The following XK variants were observed in gnomAD, a reference collection of about 807,000 sequenced individuals.
The protein encoded by XK is endoplasmic reticulum membrane adapter protein XK.
A neutral mutation model predicts 14.0 loss-of-function variants in XK; 2 were observed. The ratio of observed to expected loss-of-function variants is 0.14; its 90% CI spans 0.06 to 0.45. XK has a LOEUF of 0.45. Among genes scored for constraint, XK ranks in the 20% least tolerant of loss-of-function variants. The probability of loss-of-function intolerance (pLI) is 0.98; values close to 1 mark genes in which losing one functional copy is unlikely to be tolerated. For missense variants in XK, 235 were observed against 341.5 expected (o/e 0.69, Z 2.46); for synonymous variants, 149 against 147.5 (o/e 1.01, Z -0.08).
intron 2 of XK, among the ~76,000 whole-genome samples, chrX:37,712,481 G>A (rs1927684392): frequency 8.9e-6 from 1 of 112,164 alleles, no homozygotes; most frequent in Admixed American, 9.4e-5. Flanking sequence ...TTTTTTGCAT[G>A]TGTGTACTCA....
chrX:37,686,424 G>A (rs1180395869), intron 1 of XK, among the ~76,000 whole-genome samples: 1 of 112,229 alleles, frequency 8.9e-6, no homozygotes, highest in Non-Finnish European at 1.9e-5. Flanking sequence ...ATTCCTGTTA[G>A]GTTCCGTCAA....
chrX:37,710,665 A>T (rs1303694299), intron 2 of XK, among the ~76,000 whole-genome samples: 1 of 111,782 alleles, frequency 8.9e-6, no homozygotes, highest in Admixed American at 9.5e-5. Context: ...TAAATTAAAT[A>T]AAAGAGAACC....
rs1223816991 is a variant in XK at position 37,685,874 on chromosome X, G to A, written c.-88G>A. 4.7e-6 allele frequency: 5 copies of A among 1,064,600 alleles called. No individual in the cohort carries two copies. The East Asian group carries it at 1.7e-4, about 35-fold the overall frequency. The allele number at this position is 1,064,600 out of a possible 1,213,427, so 87.7% of individuals were successfully genotyped here. A position where few individuals can be genotyped will look rare whatever the true frequency, so the allele number is the denominator to read the frequency against. On this transcript the variant is annotated 5_prime_UTR_variant, in exon 1 of 3. Transcript: ENST00000378616. ...AGCGGTTTGGGGCTGGGCATGCTGGGAGCCCCTCGGGCAACGGCCGCCGCC... is the reference window on the plus strand; with the variant it reads ...AGCGGTTTGGGGCTGGGCATGCTGGAAGCCCCTCGGGCAACGGCCGCCGCC...
chrX:37,697,311 T>G (rs1987692587), intron 2 of XK, among the ~76,000 whole-genome samples: 1 of 112,354 alleles, frequency 8.9e-6, no homozygotes, highest in South Asian at 3.7e-4. Context: ...TTGAGAACAT[T>G]GGATTAGACT....
chrX:37,703,443 G>A (rs1274310980), intron 2 of XK, among the ~76,000 whole-genome samples: 1 of 112,089 alleles, frequency 8.9e-6, no homozygotes, highest in Non-Finnish European at 1.9e-5. Context: ...ACTGGGTTCT[G>A]GTCTCCTACA....
In XK at chrX:37,694,552, C is replaced by T. The variant is rs781915147; in HGVS notation, c.508+4C>T. 1.6e-4 allele frequency: 187 copies of T among 1,186,020 alleles called. 1 individual carries two copies. The highest frequency in any genetic ancestry group is 2.0e-4 in the Non-Finnish European group (175 of 881,711). On this transcript the variant is annotated splice_donor_region_variant and intron_variant, in intron 2 of 2. Coordinates refer to ENST00000378616, the MANE Select transcript of XK (RefSeq NM_021083.4). Reference sequence around the variant, plus strand: ...CAGGACGTCACTGTTGGAAGAAGTACGTGTATTTTTTATTTCTGCCTGCAT... The same window carrying T: ...CAGGACGTCACTGTTGGAAGAAGTATGTGTATTTTTTATTTCTGCCTGCAT...
intron 2 of XK, among the ~76,000 whole-genome samples, chrX:37,720,772 A>G (rs1489057172): frequency 9.0e-6 from 1 of 111,248 alleles, no homozygotes; most frequent in Admixed American, 9.5e-5. Flanking sequence ...GTGAGAATAT[A>G]TGGTATTTGA....
chrX:37,712,112 C>T (rs1178124846), intron 2 of XK, among the ~76,000 whole-genome samples: 2 of 111,249 alleles, frequency 1.8e-5, no homozygotes, highest in Non-Finnish European at 3.8e-5. Flanking sequence ...CTCAATCCTG[C>T]AATTTCACTT....
At chrX:37,706,676 C>T (rs958399332) in intron 2 of XK, among the ~76,000 whole-genome samples, 2 of 108,250 alleles carry the variant, frequency 1.8e-5, no homozygotes, top group Middle Eastern at 4.7e-3. Context: ...GGGTGTTTCT[C>T]GCAGAGGGGG....
At chrX:37,722,950 T>C (rs1927908452) in intron 2 of XK, among the ~76,000 whole-genome samples, 1 of 111,930 alleles carries the variant, frequency 8.9e-6, no homozygotes, top group African/African-American at 3.2e-5. Flanking sequence ...AATTAATTTC[T>C]CTGTGAATTA....
At chrX:37,722,156 G>T (rs1005005199) in intron 2 of XK, among the ~76,000 whole-genome samples, 3 of 111,598 alleles carry the variant, frequency 2.7e-5, no homozygotes, top group East Asian at 2.8e-4. Flanking sequence ...TCATTAAATT[G>T]TTCACTTTAA....
At chrX:37,722,093 A>T (rs936013790) in intron 2 of XK, among the ~76,000 whole-genome samples, 8 of 111,794 alleles carry the variant, frequency 7.2e-5, no homozygotes, top group African/African-American at 2.6e-4. Context: ...AGGTGATGAA[A>T]ACTTTTTAAA....
intron 2 of XK, among the ~76,000 whole-genome samples, chrX:37,695,897 C>T (rs1433076397): frequency 4.5e-5 from 5 of 112,346 alleles, no homozygotes; most frequent in Non-Finnish European, 9.4e-5. Context: ...AATATAGCAA[C>T]ATCCGTGTTC....
chrX:37,706,691 G>T (rs1927532730), intron 2 of XK, among the ~76,000 whole-genome samples: 1 of 108,303 alleles, frequency 9.2e-6, no homozygotes, highest in Admixed American at 9.9e-5. Flanking sequence ...AGGGGGATTT[G>T]GCAGGGTCAT....
intron 2 of XK, among the ~76,000 whole-genome samples, chrX:37,710,798 G>A (rs782642099): frequency 8.9e-6 from 1 of 112,115 alleles, no homozygotes; most frequent in Non-Finnish European, 1.9e-5. Flanking sequence ...AGTATGTATC[G>A]GTGACTTGTC....
intron 2 of XK, among the ~76,000 whole-genome samples, chrX:37,707,981 A>G (rs999731233): frequency 8.9e-5 from 10 of 112,847 alleles, no homozygotes; most frequent in Non-Finnish European, 1.9e-4. Flanking sequence ...AGGCTGGCGG[A>G]TCACTCGCAG....
At chrX:37,716,032 C>T (rs1927760107) in intron 2 of XK, among the ~76,000 whole-genome samples, 1 of 111,728 alleles carries the variant, frequency 9.0e-6, no homozygotes, top group African/African-American at 3.3e-5. Flanking sequence ...ACATATGCCT[C>T]CTACCCACCT....
intron 2 of XK, among the ~76,000 whole-genome samples, chrX:37,711,966 T>TA (rs1292520805): frequency 6.3e-5 from 7 of 110,611 alleles, no homozygotes; most frequent in East Asian, 5.7e-4. Context: ...TGGTAAAAAT[T>TA]AAAAAAAACA....
chrX:37,707,767 G>A (rs1243453848), intron 2 of XK, among the ~76,000 whole-genome samples: 2 of 111,573 alleles, frequency 1.8e-5, no homozygotes, highest in African/African-American at 3.3e-5. Flanking sequence ...GATGATGGGC[G>A]GCCAGGCAGA....
Sources: gnomAD v4.1 joint callset for allele counts (sites outside exome capture counted in the v4.1 genomes callset) on GRCh38, gnomAD v4.1.1 for gene constraint, MANE v1.5 for transcripts, NCBI Gene and HGNC (gene_info 2026-07-23, HGNC 2026-07-21) for gene names.